NHLRC2: variants seen among roughly 807,000 people sequenced by gnomAD.
NHLRC2 encodes the protein NHL repeat containing 2.
In NHLRC2, 33 loss-of-function variants were observed where a neutral mutation model predicts 68.1. That is an observed-to-expected ratio of 0.48 (90% CI 0.37 to 0.65). The LOEUF (loss-of-function observed/expected upper bound fraction) is 0.65, where lower values mean the gene tolerates loss of function less well. Ranked by LOEUF, NHLRC2 falls within the 30% of genes least tolerant of loss-of-function variation. The pLI is 0.00. For synonymous variants in NHLRC2, 311 were observed against 309.6 expected (o/e 1.00, Z -0.05); for missense variants, 761 against 853.8 (o/e 0.89, Z 1.35).
chr10:113,907,636 CTG>C (rs1307129016), intron 10 of NHLRC2, among the ~76,000 whole-genome samples: 2 of 152,014 alleles, frequency 1.3e-5, no homozygotes, highest in Non-Finnish European at 2.9e-5. Flanking sequence ...TATAGATAGT[CTG>C]TTTATTTCTA....
At chr10:113,864,255 T>G (rs1234738046) in intron 2 of NHLRC2, among the ~76,000 whole-genome samples, 2 of 152,168 alleles carry the variant, frequency 1.3e-5, no homozygotes, top group African/African-American at 2.4e-5. Flanking sequence ...GAGCTATTGT[T>G]TAATGGGTAC....
rs1341488758 is a variant in NHLRC2 at position 113,909,989 on chromosome 10, TA to T, written c.*1455del. On this transcript the variant is annotated 3_prime_UTR_variant, in exon 11 of 11. Transcript: ENST00000369301. ...CATAAGGTTAGCTGAATCTCTGAAG[TA>T]AGGATGTATAAATCATGACATTGAT... 22 of 152,294 alleles carry T rather than the reference TA, an allele frequency of 1.4e-4. No homozygotes were observed. The highest frequency in any genetic ancestry group is 5.1e-4 in the African/African-American group (21 of 41,568). The allele number at this position is 152,294 out of a possible 1,614,324, so 9.4% of individuals were successfully genotyped here. A position where few individuals can be genotyped will look rare whatever the true frequency, so the allele number is the denominator to read the frequency against.
intron 3 of NHLRC2, among the ~76,000 whole-genome samples, chr10:113,879,043 C>G (rs1034471490): frequency 6.6e-6 from 1 of 152,176 alleles, no homozygotes; most frequent in Non-Finnish European, 1.5e-5. Flanking sequence ...GAATCACTCT[C>G]TCTTACAGTG....
chr10:113,888,919 C>T lies in NHLRC2; in HGVS notation c.1039+4539C>T, dbSNP rs538911938. Among the ~76,000 whole-genome samples, 286 of 150,034 alleles carry T rather than the reference C, an allele frequency of 1.9e-3. 1 individual carries two copies. Among genetic ancestry groups the T allele is most frequent in the African/African-American group, 6.6e-3 (270 of 40,652 alleles). ...TCGGCTCACTGCAACCTCTGCCTGT[C>T]GGGTTCAAGCAATTCTCCTGCCTCA... On this transcript the variant is annotated intron_variant, in intron 5 of 10. Transcript: ENST00000369301.
intron 6 of NHLRC2, among the ~76,000 whole-genome samples, chr10:113,901,117 A>G (rs140631839): frequency 3.2e-4 from 49 of 152,300 alleles, no homozygotes; most frequent in African/African-American, 1.1e-3. Flanking sequence ...TAAGATAATT[A>G]TGTACAATTA....
intron 5 of NHLRC2, among the ~76,000 whole-genome samples, chr10:113,892,642 G>A (rs537612133): frequency 4.7e-4 from 71 of 151,872 alleles, no homozygotes; most frequent in Non-Finnish European, 8.8e-4. Context: ...ATAAATGCCA[G>A]CCCTCTTTTT....
intron 2 of NHLRC2, among the ~76,000 whole-genome samples, chr10:113,861,945 C>CTA (rs1207612032): frequency 6.6e-6 from 1 of 152,016 alleles, no homozygotes; most frequent in Non-Finnish European, 1.5e-5. Flanking sequence ...GCATCTCGGC[C>CTA]TACTGCAACC....
chr10:113,900,688 A>C (rs1846219823), intron 6 of NHLRC2, among the ~76,000 whole-genome samples: 1 of 152,216 alleles, frequency 6.6e-6, no homozygotes, highest in Non-Finnish European at 1.5e-5. Context: ...TCAGCATATT[A>C]GTTATTACAT....
intron 2 of NHLRC2, among the ~76,000 whole-genome samples, chr10:113,872,288 A>G (rs952867814): frequency 3.9e-5 from 6 of 152,058 alleles, no homozygotes; most frequent in African/African-American, 1.2e-4. Flanking sequence ...AGATATATCA[A>G]CCCCTCCTTA....
chr10:113,904,976 C>T lies in NHLRC2; in HGVS notation c.1864C>T (p.Leu622Phe). ...TCTTCAGTTCAAACTCAGATTAGAC[C>T]TCCCATCAGGATCAAAGCTAACTGA... ...QTLQFKLRLD[L>F]PSGSKLTEGV... Residue 622 changes from leucine (L) to phenylalanine (F), a missense_variant, in exon 10 of 11, where the codon CTC becomes TTC. Physicochemically the swap from Leu to Phe is conservative, Grantham distance 22 (BLOSUM62 0). Coordinates refer to ENST00000369301, the MANE Select transcript of NHLRC2 (RefSeq NM_198514.4). 1 of 1,559,970 alleles carries T rather than the reference C, an allele frequency of 6.4e-7. No homozygotes were observed. Among genetic ancestry groups the T allele is most frequent in the Non-Finnish European group, 8.6e-7 (1 of 1,157,516 alleles).
At chr10:113,903,851 G>A (rs1846249657) in intron 9 of NHLRC2, 115 bp downstream of exon 9, 1 of 674,806 alleles carries the variant, frequency 1.5e-6, no homozygotes, top group Non-Finnish European at 2.7e-6. Flanking sequence ...GTATTAAGTG[G>A]ATGCTTCTGT....
In NHLRC2 at chr10:113,915,054, G is replaced by T; in HGVS notation, c.*6518G>T. On this transcript the variant is annotated 3_prime_UTR_variant, in exon 11 of 11. Coordinates refer to ENST00000369301, the MANE Select transcript of NHLRC2 (RefSeq NM_198514.4). The stretch of plus-strand genomic sequence containing the variant: ...GATTGCATCCCACCTGTTTCTGAGT[G>T]TGTTGGTTTGGTTTAATTCTTTTCA... 1 of 456,252 alleles carries T rather than the reference G, an allele frequency of 2.2e-6. No homozygotes were observed. The highest frequency in any genetic ancestry group is 1.5e-5 in the South Asian group (1 of 64,558). 28.3% of individuals were successfully genotyped at this position (456,252 alleles called of 1,614,324 possible).
At chr10:113,873,814 A>C (rs1371516954) in intron 2 of NHLRC2, among the ~76,000 whole-genome samples, 2 of 149,974 alleles carry the variant, frequency 1.3e-5, no homozygotes, top group African/African-American at 4.9e-5. Context: ...CATCTGGCCC[A>C]GAAATTAGAG....
rs1317788746 is a variant in NHLRC2 at position 113,909,961 on chromosome 10, A to G, written c.*1425A>G. On this transcript the variant is annotated 3_prime_UTR_variant, in exon 11 of 11. Coordinates refer to ENST00000369301, the MANE Select transcript of NHLRC2 (RefSeq NM_198514.4). ...TTGAAATGTAGTATTAGTTTGTTTTATTCATAAGGTTAGCTGAATCTCTGA... is the reference window on the plus strand; with the variant it reads ...TTGAAATGTAGTATTAGTTTGTTTTGTTCATAAGGTTAGCTGAATCTCTGA... The G allele has an allele frequency of 6.6e-6, 1 of 152,122 alleles. No individual in the cohort carries two copies. The highest frequency in any genetic ancestry group is 2.4e-5 in the African/African-American group (1 of 41,430). The allele number at this position is 152,122 out of a possible 1,614,324, so 9.4% of individuals were successfully genotyped here.
intron 7 of NHLRC2, 105 bp downstream of exon 7, chr10:113,902,002 A>T: frequency 1.3e-6 from 1 of 766,446 alleles, no homozygotes; most frequent in Non-Finnish European, 2.1e-6. Context: ...TCCTTGGCCT[A>T]TCTGCGAATC....
At chr10:113,878,001 G>C (rs1846000406) in intron 3 of NHLRC2, among the ~76,000 whole-genome samples, 1 of 152,156 alleles carries the variant, frequency 6.6e-6, no homozygotes, top group Non-Finnish European at 1.5e-5. Context: ...AATAGTGTAG[G>C]TGAATATTCT....
intron 10 of NHLRC2, among the ~76,000 whole-genome samples, chr10:113,906,500 A>G (rs1846275836): frequency 6.6e-6 from 1 of 152,082 alleles, no homozygotes; most frequent in African/African-American, 2.4e-5. Context: ...TTTGGTCTGT[A>G]TAATCTTAAA....
chr10:113,861,296 A>T (rs1049247761), intron 2 of NHLRC2, among the ~76,000 whole-genome samples: 2 of 152,238 alleles, frequency 1.3e-5, no homozygotes, highest in African/African-American at 4.8e-5. Flanking sequence ...GATGAAAAAC[A>T]TGAACACAAA....
In NHLRC2 at chr10:113,892,188, A is replaced by AT. The variant is rs1846139230; in HGVS notation, c.1040-5915dup. ...AGTCATAGGTACTTAAAATGACAGA[A>AT]TTTTTTTAAAGCTGGATTTCAGGTA... is the stretch of plus-strand genomic sequence containing the variant. On this transcript the variant is annotated intron_variant, in intron 5 of 10. Transcript: ENST00000369301. 2.0e-5 allele frequency among the ~76,000 whole-genome samples: 3 copies of AT among 152,056 alleles called. No homozygotes were observed. In the South Asian group the frequency reaches 6.2e-4, roughly 32 times the overall value.
Sources: gnomAD v4.1 joint callset for allele counts (sites outside exome capture counted in the v4.1 genomes callset) on GRCh38, gnomAD v4.1.1 for gene constraint, MANE v1.5 for transcripts, NCBI Gene and HGNC (gene_info 2026-07-23, HGNC 2026-07-21) for gene names.